Variants in NFATC2 observed in about 807,000 individuals in gnomAD.
NFATC2 encodes the protein nuclear factor of activated T cells 2, also known as nuclear factor of activated T-cells, cytoplasmic 2.
NFATC2 carries 22 observed loss-of-function variants against 87.3 expected under a neutral mutation model. The ratio of observed to expected loss-of-function variants is 0.25; its 90% CI spans 0.18 to 0.36. NFATC2 has a LOEUF of 0.36. Ranked by LOEUF, NFATC2 falls within the 10% of genes least tolerant of loss-of-function variation. The probability of loss-of-function intolerance (pLI) is 1.00; values close to 1 mark genes in which losing one functional copy is unlikely to be tolerated. For synonymous variants in NFATC2, 565 were observed against 542.2 expected (o/e 1.04, Z -0.58); for missense variants, 1,149 against 1,259.1 (o/e 0.91, Z 1.32).
Position 51,523,255 on chromosome 20 carries a change from G to C in NFATC2, c.986C>G (p.Pro329Arg). The C allele has an allele frequency of 6.2e-7, 1 of 1,613,732 alleles. No individual in the cohort carries two copies. Among genetic ancestry groups the C allele is most frequent in the Non-Finnish European group, 8.5e-7 (1 of 1,179,756 alleles). Residue 329 changes from proline to arginine, a missense_variant, in exon 2 of 11, where the codon CCC becomes CGC. By Grantham distance (103) the Pro-to-Arg change is moderately radical. Around this residue, in one of 3 missense-constraint regions of NFATC2, gnomAD observed 563 missense variants for 585.2 expected, o/e 0.96. Transcript: ENST00000371564. This position sits in a 1 kb window ranked among gnomAD's most constrained non-coding sequence, Gnocchi z 6.9. ...PPKMWKTSPD[P>R]SPVSAAPSKA... ...GGATGGGGCGGCAGACACCGGCGAG[G>C]GGTCAGGGCTGGTCTTCCACATCTT...
At chr20:51,549,841 T>C (rs960451704) in intron 1 of NFATC2, among the ~76,000 whole-genome samples, 1 of 152,232 alleles carries the variant, frequency 6.6e-6, no homozygotes, top group Non-Finnish European at 1.5e-5. Flanking sequence ...GAATAACCTG[T>C]GCTTAGAAGG....
At chr20:51,399,044 A>G (rs1314169996) in intron 9 of NFATC2, 3 of 246,438 alleles carry the variant, frequency 1.2e-5, no homozygotes, top group South Asian at 2.1e-4. Context: ...ATCATGGCCA[A>G]CTACAAAGAG....
At chr20:51,508,261 G>A (rs999746016) in intron 3 of NFATC2, among the ~76,000 whole-genome samples, 1 of 151,968 alleles carries the variant, frequency 6.6e-6, no homozygotes, top group Non-Finnish European at 1.5e-5. Flanking sequence ...GTCTCACCAC[G>A]CCACCTCTCT....
rs781647966 is a variant in NFATC2, at chr20:51,523,300, G to A, written c.941C>T (p.Ser314Leu). Residue 314 changes from serine (S) to leucine (L), a missense_variant, in exon 2 of 11, where the codon TCG becomes TTG. Transcript: ENST00000371564. The surrounding 1 kb of genome is among the most constrained non-coding windows in gnomAD (Gnocchi z 6.9). ...CATCTTGGGGGGGATCCCACAAGGC[G>A]AGTCCGTGGCGAGGCTGTTCAGGGC... is the stretch of plus-strand genomic sequence containing the variant. ...MDALNSLATD[S>L]PCGIPPKMWK... is the part of the protein sequence containing the mutation. The A allele has an allele frequency of 1.1e-5, 18 of 1,613,822 alleles. No individual in the cohort carries two copies. The highest frequency in any genetic ancestry group is 3.3e-5 in the Admixed American group (2 of 60,008).
At position 51,432,146 on chromosome 20, in the gene NFATC2, G is replaced by C. The variant is rs1982811345; in HGVS notation, c.2643C>G (p.Val881=). ...CAGGTAATACTTCCTTTTGGTCACTGACCGGGGGTCCGTTTTTGGCGGCTC... is the reference window on the plus strand; with the variant it reads ...CAGGTAATACTTCCTTTTGGTCACTCACCGGGGGTCCGTTTTTGGCGGCTC... ...SQRAAKNGPP[V]SDQKEVLPAG... Residue 881 remains valine (V), a synonymous_variant, in exon 9 of 11, where the codon GTC becomes GTG. Transcript: ENST00000371564. The surrounding 1 kb of genome is among the most constrained non-coding windows in gnomAD (Gnocchi z 4.6). The C allele has an allele frequency of 5.6e-6, 9 of 1,597,592 alleles. No individual in the cohort carries two copies. The highest frequency in any genetic ancestry group is 7.7e-6 in the Non-Finnish European group (9 of 1,169,460).
At chr20:51,552,363 C>T (rs1000271131) in intron 1 of NFATC2, among the ~76,000 whole-genome samples, 6 of 152,136 alleles carry the variant, frequency 3.9e-5, no homozygotes, top group African/African-American at 1.4e-4. Flanking sequence ...GAATTTCTTG[C>T]ATTTTGCTCC....
chr20:51,475,558 T>G lies in NFATC2; in HGVS notation c.1435A>C (p.Ile479Leu). ...GTGGTGGTGACAGTTTTCCCCGTGA[T>G]TCGGTGCACCTGGTAGAAGGCGTGC... ...KPHAFYQVHRITGKTVTTTSY... is the reference protein window; with the variant it reads ...KPHAFYQVHRLTGKTVTTTSY... The change falls in exon 4 of 11, where the codon ATC (isoleucine) becomes CTC (leucine). Residue 479 changes from isoleucine (I) to leucine (L), a missense_variant. Around this residue, in one of 3 missense-constraint regions of NFATC2, gnomAD observed 581 missense variants for 649.7 expected, o/e 0.89. Transcript: ENST00000371564. 3 of 1,614,148 alleles carry G rather than the reference T, an allele frequency of 1.9e-6. No homozygotes were observed. The highest frequency in any genetic ancestry group is 2.5e-6 in the Non-Finnish European group (3 of 1,180,036).
At chr20:51,447,965 A>G (rs1985281977) in intron 6 of NFATC2, among the ~76,000 whole-genome samples, 1 of 152,174 alleles carries the variant, frequency 6.6e-6, no homozygotes, top group African/African-American at 2.4e-5. Flanking sequence ...CCTCATCTGT[A>G]AAATGGGGAT....
chr20:51,405,891 C>T (rs971456194), intron 9 of NFATC2, among the ~76,000 whole-genome samples: 3 of 152,204 alleles, frequency 2.0e-5, no homozygotes, highest in Non-Finnish European at 2.9e-5. Context: ...ATTCTCCTGC[C>T]TCAGCCTCCT....
intron 1 of NFATC2, among the ~76,000 whole-genome samples, chr20:51,533,705 G>A (rs775440199): frequency 1.9e-4 from 29 of 152,246 alleles, no homozygotes; most frequent in Admixed American, 1.0e-3. Context: ...GCAGGCTGCC[G>A]CAAGGCCAGG....
chr20:51,501,170 T>C (rs971698830), intron 3 of NFATC2, among the ~76,000 whole-genome samples: 1 of 151,934 alleles, frequency 6.6e-6, no homozygotes, highest in Non-Finnish European at 1.5e-5. Flanking sequence ...CAGACAACAC[T>C]TCCTCTATAC....
intron 9 of NFATC2, among the ~76,000 whole-genome samples, chr20:51,419,836 AT>A (rs1980613136): frequency 6.6e-6 from 1 of 152,144 alleles, no homozygotes; most frequent in South Asian, 2.1e-4. Flanking sequence ...ATGTAGGATT[AT>A]TTCCTCCCTC....
At chr20:51,404,299 G>A (rs1361041601) in intron 9 of NFATC2, among the ~76,000 whole-genome samples, 1 of 152,188 alleles carries the variant, frequency 6.6e-6, no homozygotes, top group Non-Finnish European at 1.5e-5. Context: ...CATAGAACTT[G>A]AGGCAAATCC....
In NFATC2 at chr20:51,516,896, G is replaced by A. The variant is rs1464202790; in HGVS notation, c.1220C>T (p.Ser407Phe). 1 of 1,614,204 alleles carries A rather than the reference G, an allele frequency of 6.2e-7. No individual in the cohort carries two copies. Residue 407 changes from serine (S) to phenylalanine (F), a missense_variant, in exon 3 of 11, where the codon TCT (serine) becomes TTT (phenylalanine). Coordinates refer to ENST00000371564, the MANE Select transcript of NFATC2 (RefSeq NM_012340.5). ...LEWPLSSQSG[S>F]YELRIEVQPK... ...CTGCACCTCGATCCGCAGCTCGTAAGAGCCTGACTGACTGGACAGCGGCCA... is the reference window on the plus strand; with the variant it reads ...CTGCACCTCGATCCGCAGCTCGTAAAAGCCTGACTGACTGGACAGCGGCCA...
At chr20:51,547,120 G>A (rs1485801271), upstream of NFATC2, among the ~76,000 whole-genome samples, 1 of 152,152 alleles carries the variant, frequency 6.6e-6, no homozygotes, top group Non-Finnish European at 1.5e-5. Flanking sequence ...TCATAGACGA[G>A]TTTTTAGATG....
intron 3 of NFATC2, among the ~76,000 whole-genome samples, chr20:51,477,547 A>G (rs1403907465): frequency 7.5e-5 from 7 of 93,632 alleles, no homozygotes; most frequent in Admixed American, 7.1e-4. Context: ...ATATATATAT[A>G]TATATATATA....
intron 5 of NFATC2, among the ~76,000 whole-genome samples, chr20:51,464,721 A>C (rs1449483797): frequency 6.6e-6 from 1 of 152,138 alleles, no homozygotes; most frequent in Non-Finnish European, 1.5e-5. Context: ...GAGGCCCTTG[A>C]GTTGGTCTCT....
At position 51,390,944 on chromosome 20, in the gene NFATC2, TC is replaced by T. The variant is rs1325833846; in HGVS notation, c.*551del. On this transcript the variant is annotated 3_prime_UTR_variant, in exon 11 of 11. Coordinates refer to ENST00000371564, the MANE Select transcript of NFATC2 (RefSeq NM_012340.5). Reference sequence around the variant, plus strand: ...TCTTGGGTCACGTTCCTTTGGTTGCTCTGAGAACTCCTTGCCTTCAAAAGGT... The same window carrying T: ...TCTTGGGTCACGTTCCTTTGGTTGCTTGAGAACTCCTTGCCTTCAAAAGGT... 3.9e-6 allele frequency: 1 copy of T among 257,772 alleles called. No individual in the cohort carries two copies. The highest frequency in any genetic ancestry group is 4.7e-5 in the Admixed American group (1 of 21,262). The allele number at this position is 257,772 out of a possible 1,614,324, so 16.0% of individuals were successfully genotyped here.
At chr20:51,391,924 T>G (rs541278906) in intron 10 of NFATC2, among the ~76,000 whole-genome samples, 4 of 152,376 alleles carry the variant, frequency 2.6e-5, no homozygotes, top group African/African-American at 9.6e-5. Flanking sequence ...GGCAATATTT[T>G]TTGCTAAAGA....
Sources: allele counts gnomAD v4.1 joint callset (sites outside exome capture counted in the v4.1 genomes callset), GRCh38; gene constraint gnomAD v4.1.1; regional missense constraint gnomAD v4.1.1; non-coding constraint Gnocchi (gnomAD v3.1); transcripts MANE v1.5; gene names NCBI Gene and HGNC (gene_info 2026-07-23, HGNC 2026-07-21).